DIAPH3: variants seen among roughly 807,000 people sequenced by gnomAD.
The protein encoded by DIAPH3 is protein diaphanous homolog 3.
A neutral mutation model predicts 144.3 loss-of-function variants in DIAPH3; 117 were observed. The ratio of observed to expected loss-of-function variants is 0.81; its 90% CI spans 0.70 to 0.95. DIAPH3 has a LOEUF of 0.95. Ranked by LOEUF, DIAPH3 falls within the 40% of genes least tolerant of loss-of-function variation. The pLI, the probability that DIAPH3 is intolerant of heterozygous loss-of-function variation, is 0.00. For synonymous variants in DIAPH3, 519 were observed against 488.9 expected (o/e 1.06, Z -0.81); for missense variants, 1,421 against 1,412.7 (o/e 1.01, Z -0.09).
rs945135617 is a variant in DIAPH3 at position 59,671,955 on chromosome 13, A to C, written c.3320-5109T>G. ...CAGAGTATAGATTTGGATGACAAAGAAAGCTTAAAAAAACTCATTCATCCT... is the reference window on the plus strand; with the variant it reads ...CAGAGTATAGATTTGGATGACAAAGCAAGCTTAAAAAAACTCATTCATCCT... On this transcript the variant is annotated intron_variant, in intron 27 of 27. Coordinates refer to ENST00000400324, the MANE Select transcript of DIAPH3 (RefSeq NM_001042517.2). Among the ~76,000 whole-genome samples, 3 of 152,216 alleles carry C rather than the reference A, an allele frequency of 2.0e-5. No individual in the cohort carries two copies. In the East Asian group the frequency reaches 5.8e-4, roughly 29 times the overall value.
rs2059181918 is a variant in DIAPH3, at chr13:60,132,998, T to C, written c.181-9A>G. ...GTCCTAATATTTAAATGCTGCAAAT[T>C]AAAAAAAAGCAATCATATTAGTAAT... On this transcript the variant is annotated splice_polypyrimidine_tract_variant and intron_variant, in intron 1 of 27. Coordinates refer to ENST00000400324, the MANE Select transcript of DIAPH3 (RefSeq NM_001042517.2). 1 of 1,595,626 alleles carries C rather than the reference T, an allele frequency of 6.3e-7. No individual in the cohort carries two copies. Among genetic ancestry groups the C allele is most frequent in the African/African-American group, 1.3e-5 (1 of 74,374 alleles).
At chr13:59,928,017 C>T (rs889235735) in intron 17 of DIAPH3, among the ~76,000 whole-genome samples, 1 of 152,102 alleles carries the variant, frequency 6.6e-6, no homozygotes, top group Non-Finnish European at 1.5e-5. Flanking sequence ...AATCCCAAAA[C>T]ACAAATATAT....
chr13:59,810,543 C>A (rs1411497594), intron 25 of DIAPH3, among the ~76,000 whole-genome samples: 2 of 152,132 alleles, frequency 1.3e-5, no homozygotes, highest in Non-Finnish European at 2.9e-5. Flanking sequence ...CGTGAATACG[C>A]TGGAACGAAA....
intron 21 of DIAPH3, among the ~76,000 whole-genome samples, chr13:59,866,135 C>T (rs2043906001): frequency 6.6e-6 from 1 of 151,888 alleles, no homozygotes. Context: ...AATATTAATG[C>T]TGAGGATGAC....
At chr13:59,747,122 C>T (rs2036113) in intron 27 of DIAPH3, among the ~76,000 whole-genome samples, 56,897 of 151,882 alleles carry the variant, frequency 0.37, 11,680 homozygotes, top group African/African-American at 0.55. Context: ...CTGAAAATGA[C>T]TGAGAAAATA....
rs117066683 is a variant in DIAPH3, at chr13:60,058,063, G to C, written c.496-15243C>G. On this transcript the variant is annotated intron_variant, in intron 4 of 27. Coordinates refer to ENST00000400324, the MANE Select transcript of DIAPH3 (RefSeq NM_001042517.2). ...AAATGGAACCTAATTAAACTTAAAAGCTTCTGCATAACAAAAGAAATCATC... is the reference window on the plus strand; with the variant it reads ...AAATGGAACCTAATTAAACTTAAAACCTTCTGCATAACAAAAGAAATCATC... Among the ~76,000 whole-genome samples, 437 of 151,800 alleles carry C rather than the reference G, an allele frequency of 2.9e-3. 5 individuals are homozygous for C. The East Asian group carries it at 0.031, about 11-fold the overall frequency.
At chr13:59,804,689 T>G (rs2040103885) in intron 25 of DIAPH3, among the ~76,000 whole-genome samples, 1 of 152,106 alleles carries the variant, frequency 6.6e-6, no homozygotes, top group African/African-American at 2.4e-5. Flanking sequence ...GTTCTACCCT[T>G]CTATATCGAG....
At chr13:59,927,456 T>A (rs981069652) in intron 17 of DIAPH3, among the ~76,000 whole-genome samples, 4 of 152,210 alleles carry the variant, frequency 2.6e-5, no homozygotes, top group Non-Finnish European at 5.9e-5. Context: ...AATATTTGCA[T>A]CCTTTCTCAT....
intron 12 of DIAPH3, 87 bp downstream of exon 12, chr13:59,991,071 G>T: frequency 1.2e-6 from 1 of 805,354 alleles, no homozygotes; most frequent in Non-Finnish European, 2.0e-6. Context: ...AAAATCATTT[G>T]CTTGTCAAAG....
At chr13:59,943,072 C>T (rs189695521) in intron 17 of DIAPH3, among the ~76,000 whole-genome samples, 117 of 152,238 alleles carry the variant, frequency 7.7e-4, no homozygotes, top group African/African-American at 2.7e-3. Flanking sequence ...GTAATAATCT[C>T]GTTCTCTTAT....
intron 4 of DIAPH3, among the ~76,000 whole-genome samples, chr13:60,063,871 G>A (rs2056860062): frequency 6.6e-6 from 1 of 152,038 alleles, no homozygotes; most frequent in Non-Finnish European, 1.5e-5. Flanking sequence ...GGAGGTTGCA[G>A]TGAGCCAAGA....
intron 4 of DIAPH3, among the ~76,000 whole-genome samples, chr13:60,043,259 T>C (rs990115388): frequency 1.3e-5 from 2 of 152,170 alleles, no homozygotes; most frequent in African/African-American, 2.4e-5. Flanking sequence ...CTAGGCACTG[T>C]AGACACATGG....
intron 27 of DIAPH3, among the ~76,000 whole-genome samples, chr13:59,667,542 G>A (rs925743579): frequency 3.3e-5 from 5 of 152,050 alleles, no homozygotes; most frequent in African/African-American, 1.2e-4. Context: ...TTAAAAAGTC[G>A]ATTATTTTCC....
At chr13:59,935,260 G>GAAATAATCCCCTGC (rs1443694636) in intron 17 of DIAPH3, among the ~76,000 whole-genome samples, 1 of 152,154 alleles carries the variant, frequency 6.6e-6, no homozygotes, top group Admixed American at 6.5e-5. Flanking sequence ...TGGGTTCCTG[G>GAAATAATCCCCTGC]AAATAATCCC....
At position 60,070,298 on chromosome 13, in the gene DIAPH3, T is replaced by C. The variant is rs576992895; in HGVS notation, c.495+23330A>G. The stretch of plus-strand genomic sequence containing the variant: ...TTCTGTTGGATTTTTTTTTTTTTTT[T>C]GCTCTTTTTTTCTAGCCAAGTCCTA... On this transcript the variant is annotated intron_variant, in intron 4 of 27. Coordinates refer to ENST00000400324, the MANE Select transcript of DIAPH3 (RefSeq NM_001042517.2). Among the ~76,000 whole-genome samples, 6 of 123,742 alleles carry C rather than the reference T, an allele frequency of 4.8e-5. No individual in the cohort carries two copies. In the South Asian group the frequency reaches 1.6e-3, roughly 33 times the overall value. The allele number at this position is 123,742 out of a possible 152,430, so 81.2% of individuals were successfully genotyped here.
chr13:59,830,770 T>G (rs1432006465), intron 24 of DIAPH3, among the ~76,000 whole-genome samples: 1 of 151,848 alleles, frequency 6.6e-6, no homozygotes, highest in Non-Finnish European at 1.5e-5. Flanking sequence ...AAAGAAAAAG[T>G]GGTCATTTTT....
At chr13:59,818,505 T>G (rs1048529157) in intron 24 of DIAPH3, among the ~76,000 whole-genome samples, 2 of 151,896 alleles carry the variant, frequency 1.3e-5, no homozygotes, top group African/African-American at 2.4e-5. Context: ...GGCTTTAGTG[T>G]TCTGCAGCTT....
At chr13:59,698,544 TTAAC>T (rs2033937330) in intron 27 of DIAPH3, among the ~76,000 whole-genome samples, 1 of 152,192 alleles carries the variant, frequency 6.6e-6, no homozygotes, top group Non-Finnish European at 1.5e-5. Flanking sequence ...TTAACAATAC[TTAAC>T]TAAGCAAAAA....
At position 59,880,960 on chromosome 13, in the gene DIAPH3, T is replaced by C. The variant is rs868477444; in HGVS notation, c.2368-1492A>G. 2.0e-3 allele frequency among the ~76,000 whole-genome samples: 187 copies of C among 91,928 alleles called. 2 individuals are homozygous for C. The highest frequency in any genetic ancestry group is 6.3e-3 in the Middle Eastern group (1 of 160). 60.3% of individuals were successfully genotyped at this position (91,928 alleles called of 152,430 possible). A position where few individuals can be genotyped will look rare whatever the true frequency, so the allele number is the denominator to read the frequency against. The stretch of plus-strand genomic sequence containing the variant: ...TCCACTGTCTAGGAAAAACAAAGAA[T>C]GTAAGTTCAACAAGGACCAAAAAAA... On this transcript the variant is annotated intron_variant, in intron 20 of 27. Transcript: ENST00000400324.
Sources: allele counts gnomAD v4.1 joint callset (sites outside exome capture counted in the v4.1 genomes callset), GRCh38; gene constraint gnomAD v4.1.1; transcripts MANE v1.5; gene names NCBI Gene and HGNC (gene_info 2026-07-23, HGNC 2026-07-21).